LRRC63: variants seen among roughly 807,000 people sequenced by gnomAD.
LRRC63 encodes leucine-rich repeat-containing protein 63.
In LRRC63, 40 loss-of-function variants were observed where a neutral mutation model predicts 49.5. The observed-to-expected ratio is 0.81, with a 90% CI of 0.63 to 1.05. The LOEUF (loss-of-function observed/expected upper bound fraction) is 1.05. Ranked by LOEUF, LRRC63 falls within the 50% of genes least tolerant of loss-of-function variation. The pLI, the probability that LRRC63 is intolerant of heterozygous loss-of-function variation, is 0.00. For synonymous variants in LRRC63, 191 were observed against 221.1 expected, an observed-to-expected ratio of 0.86 and a Z score of 1.21; for missense variants, 636 against 663.1, an observed-to-expected ratio of 0.96 and a Z score of 0.45.
chr13:46,238,261 A>G (rs972174892), intron 5 of LRRC63, among the ~76,000 whole-genome samples: 2 of 152,210 alleles, frequency 1.3e-5, no homozygotes. Flanking sequence ...CATAAAATTA[A>G]CAAAGATATT....
At chr13:46,227,486 A>G in intron 2 of LRRC63, 26 bp from the exon 3 acceptor site, 1 of 1,360,410 alleles carries the variant, frequency 7.4e-7, no homozygotes, top group Non-Finnish European at 9.8e-7. Flanking sequence ...ATATAATTTA[A>G]TTTTTCTTTT....
chr13:46,259,091 A>G (rs2047572859), intron 7 of LRRC63, among the ~76,000 whole-genome samples: 1 of 152,176 alleles, frequency 6.6e-6, no homozygotes, highest in Admixed American at 6.5e-5. Context: ...GCATGGAGGC[A>G]GGAAAGCTCA....
rs1555328641 is a variant in LRRC63, at chr13:46,255,645, A to AAAAAAAAAAAAAAAATATAT, written c.1226+5155_1226+5156insAAAAAAAAAAAAAATATATA. Among the ~76,000 whole-genome samples the AAAAAAAAAAAAAAAATATAT allele has an allele frequency of 1.8e-3, 236 of 129,412 alleles. 1 individual carries two copies. The highest frequency in any genetic ancestry group is 6.6e-3 in the African/African-American group (225 of 34,316). 84.9% of individuals were successfully genotyped at this position (129,412 alleles called of 152,430 possible). ...GGCAACAGAGTAAGACCCTGCCTCA[A>AAAAAAAAAAAAAAAATATAT]ATATATATATATATATATATAGTTA... is the stretch of plus-strand genomic sequence containing the variant. On this transcript the variant is annotated intron_variant, in intron 7 of 9. Transcript: ENST00000595396.
intron 8 of LRRC63, among the ~76,000 whole-genome samples, chr13:46,265,916 A>G (rs1257002618): frequency 6.6e-6 from 1 of 152,172 alleles, no homozygotes; most frequent in Admixed American, 6.5e-5. Flanking sequence ...ACCCTTGTTG[A>G]TCACATTTTA....
intron 7 of LRRC63, among the ~76,000 whole-genome samples, chr13:46,250,989 G>A (rs1293840546): frequency 2.0e-5 from 3 of 151,778 alleles, no homozygotes; most frequent in Non-Finnish European, 4.4e-5. Context: ...GCTGATATTT[G>A]GACATAAAAG....
At chr13:46,228,520 C>A in intron 3 of LRRC63, 145 bp from the exon 4 acceptor site, 1 of 624,004 alleles carries the variant, frequency 1.6e-6, no homozygotes. Context: ...AGTAGAATGC[C>A]AGTGCTGATA....
intron 2 of LRRC63, among the ~76,000 whole-genome samples, chr13:46,224,671 T>C (rs112821499): frequency 0.013 from 2,011 of 152,324 alleles, 21 homozygotes; most frequent in Middle Eastern, 0.027. Context: ...TTGATATCTG[T>C]GTATCTGGTG....
intron 2 of LRRC63, among the ~76,000 whole-genome samples, chr13:46,215,976 A>G (rs554091104): frequency 2.0e-5 from 3 of 152,190 alleles, no homozygotes; most frequent in East Asian, 1.9e-4. Context: ...ATTGGTCTCT[A>G]TGTCTGTTTT....
chr13:46,245,423 A>G (rs1566495471), intron 5 of LRRC63, among the ~76,000 whole-genome samples: 1 of 152,162 alleles, frequency 6.6e-6, no homozygotes, highest in Non-Finnish European at 1.5e-5. Context: ...TTAGGTACAC[A>G]TAGAACAATT....
At chr13:46,244,067 T>C (rs2138492892) in intron 5 of LRRC63, among the ~76,000 whole-genome samples, 1 of 152,288 alleles carries the variant, frequency 6.6e-6, no homozygotes, top group African/African-American at 2.4e-5. Context: ...GCACCATAAG[T>C]GGTAAATAAT....
At chr13:46,214,101 C>T (rs2046175684) in intron 2 of LRRC63, among the ~76,000 whole-genome samples, 1 of 152,164 alleles carries the variant, frequency 6.6e-6, no homozygotes, top group African/African-American at 2.4e-5. Context: ...TCTATTCCCT[C>T]CTTATTATAA....
chr13:46,218,791 G>C (rs893543124), intron 2 of LRRC63, among the ~76,000 whole-genome samples: 2 of 152,144 alleles, frequency 1.3e-5, no homozygotes, highest in African/African-American at 4.8e-5. Flanking sequence ...TTGTAAGGCA[G>C]GCCTGGTGGT....
intron 4 of LRRC63, 79 bp from the exon 5 acceptor site, chr13:46,234,113 T>G: frequency 7.6e-7 from 1 of 1,313,368 alleles, no homozygotes; most frequent in Non-Finnish European, 1.0e-6. Context: ...AATATTATCA[T>G]AAGATAAATA....
Position 46,213,026 on chromosome 13 carries a change from T to G in LRRC63, c.-9T>G. Reference sequence around the variant, plus strand: ...GGATTATGAAAAACAGCACTTATTATTCATTAAAATGCAAAAGCCCCCACT... The same window carrying G: ...GGATTATGAAAAACAGCACTTATTAGTCATTAAAATGCAAAAGCCCCCACT... On this transcript the variant is annotated 5_prime_UTR_variant, in exon 2 of 10. The change creates a premature stop within an existing upstream ORF in the 5' untranslated region. Transcript: ENST00000595396. 1.3e-6 allele frequency: 2 copies of G among 1,534,780 alleles called. No homozygotes were observed. Among genetic ancestry groups the G allele is most frequent in the Admixed American group, 2.0e-5 (1 of 49,988 alleles).
intron 4 of LRRC63, among the ~76,000 whole-genome samples, chr13:46,232,668 C>T (rs1403960890): frequency 1.3e-5 from 2 of 151,824 alleles, no homozygotes; most frequent in Non-Finnish European, 1.5e-5. Flanking sequence ...AGAGAGAGGG[C>T]GTATTATCCA....
At chr13:46,244,704 A>G (rs1406437872) in intron 5 of LRRC63, among the ~76,000 whole-genome samples, 1 of 152,132 alleles carries the variant, frequency 6.6e-6, no homozygotes, top group Admixed American at 6.5e-5. Context: ...CAGGAATTTG[A>G]GGTTTTAGTG....
intron 2 of LRRC63, among the ~76,000 whole-genome samples, chr13:46,218,273 A>C (rs1849498433): frequency 6.6e-6 from 1 of 152,178 alleles, no homozygotes; most frequent in African/African-American, 2.4e-5. Flanking sequence ...TGCTTTATGA[A>C]TCCAGGTGCT....
chr13:46,249,875 A>G (rs1000641869), intron 6 of LRRC63: 1 of 152,034 alleles, frequency 6.6e-6, no homozygotes, highest in Non-Finnish European at 1.5e-5. Flanking sequence ...GAGGAAGATA[A>G]TAGATTTAAA....
chr13:46,225,103 T>C (rs1361902850), intron 2 of LRRC63, among the ~76,000 whole-genome samples: 1 of 152,144 alleles, frequency 6.6e-6, no homozygotes, highest in Admixed American at 6.5e-5. Context: ...TGGGAAACAA[T>C]TGTGCTATGG....
Sources: gnomAD v4.1 joint callset for allele counts (sites outside exome capture counted in the v4.1 genomes callset) on GRCh38, gnomAD v4.1.1 for gene constraint, MANE v1.5 for transcripts, NCBI Gene and HGNC (gene_info 2026-07-23, HGNC 2026-07-21) for gene names.